Variants in MBNL2 observed in about 807,000 individuals in gnomAD.
MBNL2 encodes the protein muscleblind like splicing regulator 2, also known as muscleblind-like protein 2.
Under a neutral mutation model 41.9 loss-of-function variants are expected in MBNL2, and 17 were observed. That is an observed-to-expected ratio of 0.41 (90% confidence interval 0.28 to 0.61). The LOEUF is 0.61. Ranked by LOEUF, MBNL2 falls within the 20% of genes least tolerant of loss-of-function variation. MBNL2 has a pLI of 0.35. For missense variants in MBNL2, 336 were observed against 505.6 expected, an observed-to-expected ratio of 0.66 and a Z score of 3.22; for synonymous variants, 195 against 182.9, an observed-to-expected ratio of 1.07 and a Z score of -0.53.
At chr13:97,148,492 C>T in the MBNL2 span, among the ~76,000 whole-genome samples, 3 of 152,154 alleles carry the variant, frequency 2.0e-5, no homozygotes, top group East Asian at 5.8e-4. Context: ...GTAGGTTCAT[C>T]AGTTGTAACA....
At chr13:97,350,019 GGCTATCCTT>G (rs2062292084) in intron 5 of MBNL2, among the ~76,000 whole-genome samples, 1 of 152,120 alleles carries the variant, frequency 6.6e-6, no homozygotes, top group African/African-American at 2.4e-5. Flanking sequence ...GGGTCCCAGT[GGCTATCCTT>G]GGTCACTGAG....
chr13:97,384,581 CAG>C (rs1018876849), intron 8 of MBNL2, among the ~76,000 whole-genome samples: 1 of 152,076 alleles, frequency 6.6e-6, no homozygotes, highest in Admixed American at 6.6e-5. Flanking sequence ...GCAATGCTAA[CAG>C]AGAGTGGGAA....
In MBNL2 at chr13:97,276,081, T is replaced by C. The variant is rs1594133638; in HGVS notation, c.-155T>C. On this transcript the variant is annotated 5_prime_UTR_variant, in exon 2 of 9. Transcript: ENST00000679496. Reference sequence around the variant, plus strand: ...GATTGCCTGTCCATACACTCTCTCATCATCCTGTTCCTTGGATTGGACTTC... The same window carrying C: ...GATTGCCTGTCCATACACTCTCTCACCATCCTGTTCCTTGGATTGGACTTC... The C allele has an allele frequency of 1.7e-6, 1 of 604,494 alleles. No homozygotes were observed. Among genetic ancestry groups the C allele is most frequent in the East Asian group, 2.8e-5 (1 of 36,312 alleles). 37.4% of individuals were successfully genotyped at this position (604,494 alleles called of 1,614,324 possible).
chr13:97,207,244 T>C, the MBNL2 span, among the ~76,000 whole-genome samples: 1 of 152,246 alleles, frequency 6.6e-6, no homozygotes, highest in East Asian at 1.9e-4. Context: ...AAGCATTATT[T>C]ATTGAACTTG....
chr13:97,278,762 G>A (rs1359189179), intron 2 of MBNL2, among the ~76,000 whole-genome samples: 1 of 152,200 alleles, frequency 6.6e-6, no homozygotes, highest in Admixed American at 6.5e-5. Context: ...CAAGTTATCA[G>A]TTCCCTTTCA....
chr13:97,211,187 G>T, the MBNL2 span, among the ~76,000 whole-genome samples: 1 of 152,166 alleles, frequency 6.6e-6, no homozygotes. Flanking sequence ...TAAGAAGCTA[G>T]GGTGTAGATG....
At position 97,357,631 on chromosome 13, in the gene MBNL2, A is replaced by G. The variant is rs1360615340; in HGVS notation, c.1008A>G (p.Pro336=). 5.6e-6 allele frequency: 9 copies of G among 1,613,862 alleles called. No individual in the cohort carries two copies. Among genetic ancestry groups the G allele is most frequent in the Admixed American group, 3.3e-5 (2 of 59,982 alleles). The change falls in exon 7 of 9, where the codon CCA becomes CCG. Residue 336 remains proline (P), a synonymous_variant. Coordinates refer to ENST00000679496, the MANE Select transcript of MBNL2 (RefSeq NM_001382683.1). ...TGCAGCAACACGCCGCGTTCATTCC[A>G]ACAGGTATGTGCCCTTACTGCCCTA... The part of the protein sequence containing the change: ...AQLQQHAAFI[P]TGSVLCMTPA...
the MBNL2 span, among the ~76,000 whole-genome samples, chr13:97,182,741 G>T: frequency 6.6e-6 from 1 of 152,164 alleles, no homozygotes; most frequent in East Asian, 1.9e-4. Context: ...TCAAGAAGAG[G>T]TTATAAGGGC....
intron 2 of MBNL2, among the ~76,000 whole-genome samples, chr13:97,324,227 G>A (rs1218019879): frequency 1.3e-5 from 2 of 152,130 alleles, no homozygotes; most frequent in African/African-American, 4.8e-5. Flanking sequence ...GCCTATCATG[G>A]CATTGATCAC....
At chr13:97,349,903 C>A (rs896596602) in intron 5 of MBNL2, among the ~76,000 whole-genome samples, 3 of 152,124 alleles carry the variant, frequency 2.0e-5, no homozygotes, top group African/African-American at 4.8e-5. Flanking sequence ...AGAATGGTGT[C>A]TTTTATACCA....
the MBNL2 span, among the ~76,000 whole-genome samples, chr13:97,169,960 A>G: frequency 6.6e-6 from 1 of 152,220 alleles, no homozygotes; most frequent in African/African-American, 2.4e-5. Flanking sequence ...AAAAAGATCC[A>G]GTTGCTAATA....
chr13:97,357,457 AT>A, intron 6 of MBNL2, 24 bp from the exon 7 acceptor site: 1 of 1,607,060 alleles, frequency 6.2e-7, no homozygotes, highest in Non-Finnish European at 8.5e-7. Flanking sequence ...AGTTAGACAT[AT>A]CTTATCGAAT....
chr13:97,222,037 T>C (rs2040902792), upstream of MBNL2, among the ~76,000 whole-genome samples: 3 of 152,244 alleles, frequency 2.0e-5, no homozygotes, highest in Non-Finnish European at 2.9e-5. Flanking sequence ...GTGAAGCTCC[T>C]GGCTTCGAGC....
At chr13:97,309,789 TG>T (rs1259768682) in intron 2 of MBNL2, among the ~76,000 whole-genome samples, 1 of 152,192 alleles carries the variant, frequency 6.6e-6, no homozygotes, top group Non-Finnish European at 1.5e-5. Context: ...GCTCATGCCA[TG>T]GGGATTTGAA....
At chr13:97,201,817 C>T in the MBNL2 span, among the ~76,000 whole-genome samples, 1 of 152,182 alleles carries the variant, frequency 6.6e-6, no homozygotes, top group Non-Finnish European at 1.5e-5. Context: ...CTATTACTTT[C>T]TACTCTGCCA....
At chr13:97,349,523 G>T (rs148733321) in intron 5 of MBNL2, among the ~76,000 whole-genome samples, 106 of 152,132 alleles carry the variant, frequency 7.0e-4, no homozygotes, top group African/African-American at 2.4e-3. Flanking sequence ...CACAAAATTT[G>T]TTTATTTATT....
the MBNL2 span, among the ~76,000 whole-genome samples, chr13:97,214,267 G>A: frequency 6.6e-6 from 1 of 152,064 alleles, no homozygotes; most frequent in Non-Finnish European, 1.5e-5. Context: ...ACTCTTTCCT[G>A]GTTTTTTAAA....
chr13:97,299,648 A>ATATCTATCTATCTATCTATC (rs59785563), intron 2 of MBNL2, among the ~76,000 whole-genome samples: 133 of 149,370 alleles, frequency 8.9e-4, no homozygotes, highest in East Asian at 2.8e-3. Context: ...TAGAATTACT[A>ATATCTATCTATCTATCTATC]TATCTATCTA....
At chr13:97,383,362 G>A (rs189625285) in intron 8 of MBNL2, among the ~76,000 whole-genome samples, 1 of 152,298 alleles carries the variant, frequency 6.6e-6, no homozygotes, top group East Asian at 1.9e-4. Flanking sequence ...ATTTTATCCA[G>A]ATACTCTAAG....
Sources: gnomAD v4.1 joint callset for allele counts (sites outside exome capture counted in the v4.1 genomes callset) on GRCh38, gnomAD v4.1.1 for gene constraint, MANE v1.5 for transcripts, NCBI Gene and HGNC (gene_info 2026-07-23, HGNC 2026-07-21) for gene names.